Variants in KCNK13 observed in about 807,000 individuals in gnomAD.
The protein encoded by KCNK13 is potassium two pore domain channel subfamily K member 13, also known as potassium channel subfamily K member 13.
KCNK13 carries 12 observed loss-of-function variants against 23.4 expected under a neutral mutation model. The observed-to-expected ratio is 0.51, with a 90% CI of 0.33 to 0.83. KCNK13 has a LOEUF of 0.83. KCNK13 is among the 40% of genes least tolerant of loss of function. The pLI is 0.02. For synonymous variants in KCNK13, 231 were observed against 229.5 expected (o/e 1.01, Z -0.06); for missense variants, 463 against 556.3 (o/e 0.83, Z 1.69).
chr14:90,161,603 C>A (rs1890253645), intron 1 of KCNK13, among the ~76,000 whole-genome samples: 1 of 152,184 alleles, frequency 6.6e-6, no homozygotes, highest in Admixed American at 6.5e-5. Context: ...TTACAACATT[C>A]TACTAAAGCT....
At chr14:90,148,377 T>G (rs1251385387) in intron 1 of KCNK13, among the ~76,000 whole-genome samples, 1 of 152,206 alleles carries the variant, frequency 6.6e-6, no homozygotes, top group African/African-American at 2.4e-5. Flanking sequence ...CTCCCTGCCT[T>G]CAAGGGCCTT....
intron 1 of KCNK13, among the ~76,000 whole-genome samples, chr14:90,128,720 C>T (rs1018508788): frequency 7.9e-5 from 12 of 152,130 alleles, no homozygotes; most frequent in Non-Finnish European, 1.5e-4. Context: ...TATCTCTCAC[C>T]GAATACTTTT....
intron 1 of KCNK13, among the ~76,000 whole-genome samples, chr14:90,114,626 A>G (rs1378377131): frequency 6.6e-6 from 1 of 152,186 alleles, no homozygotes; most frequent in African/African-American, 2.4e-5. Context: ...AGATGCTTGC[A>G]CATGTATATT....
At position 90,184,231 on chromosome 14, in the gene KCNK13, T is replaced by C; in HGVS notation, c.455T>C (p.Ile152Thr). The change falls in exon 2 of 2, where the codon ATC becomes ACC. Residue 152 changes from isoleucine (I) to threonine (T), a missense_variant. Physicochemically the swap from Ile to Thr is moderately conservative, Grantham distance 89. Coordinates refer to ENST00000282146, the MANE Select transcript of KCNK13 (RefSeq NM_022054.4). This position sits in a 1 kb window ranked among gnomAD's most constrained non-coding sequence, Gnocchi z 5.6. ...CTCTTCCTGGAGCGCCTGATCACCA[T>C]CATCGCCTACATCATGAAGTCGTGC... ...FNLFLERLIT[I>T]IAYIMKSCHQ... 2 of 1,614,248 alleles carry C rather than the reference T, an allele frequency of 1.2e-6. No homozygotes were observed. Among genetic ancestry groups the C allele is most frequent in the Admixed American group, 1.7e-5 (1 of 60,036 alleles).
Position 90,106,290 on chromosome 14 carries a change from A to G in KCNK13, c.334+43751A>G, listed in dbSNP as rs546817404. On this transcript the variant is annotated intron_variant, in intron 1 of 1. Coordinates refer to ENST00000282146, the MANE Select transcript of KCNK13 (RefSeq NM_022054.4). ...CACATACTAATATGCAAAATAAGAA[A>G]GGTCCTGGGCGCAGTGGCTCACACG... Among the ~76,000 whole-genome samples the G allele has an allele frequency of 3.4e-4, 52 of 152,222 alleles. 1 individual carries two copies. The Middle Eastern group carries it at 0.014, about 40-fold the overall frequency.
At chr14:90,148,295 T>C (rs1596799091) in intron 1 of KCNK13, among the ~76,000 whole-genome samples, 1 of 152,194 alleles carries the variant, frequency 6.6e-6, no homozygotes. Context: ...ATAAATCTTA[T>C]AAAGCACAAT....
At chr14:90,082,056 CTAAA>C (rs1443237523) in intron 1 of KCNK13, among the ~76,000 whole-genome samples, 1 of 152,074 alleles carries the variant, frequency 6.6e-6, no homozygotes, top group Non-Finnish European at 1.5e-5. Flanking sequence ...AAACCATGAG[CTAAA>C]TAAACCTGTT....
chr14:90,178,254 A>AAC (rs1890445898), intron 1 of KCNK13, among the ~76,000 whole-genome samples: 1 of 146,734 alleles, frequency 6.8e-6, no homozygotes, highest in Admixed American at 6.7e-5. Context: ...AAAAAAAAAA[A>AAC]AAGGATACCC....
chr14:90,101,891 C>CT (rs201403466), intron 1 of KCNK13, among the ~76,000 whole-genome samples: 236 of 141,110 alleles, frequency 1.7e-3, no homozygotes, highest in African/African-American at 5.5e-3. Context: ...GAAATATTTT[C>CT]TTTTTTTTTT....
At chr14:90,150,574 C>T (rs1286536364) in intron 1 of KCNK13, among the ~76,000 whole-genome samples, 2 of 152,198 alleles carry the variant, frequency 1.3e-5, no homozygotes, top group Non-Finnish European at 2.9e-5. Flanking sequence ...AAACCAGCCA[C>T]ATCAGAGAAG....
chr14:90,107,346 C>T lies in KCNK13; in HGVS notation c.334+44807C>T, dbSNP rs563173864. The stretch of plus-strand genomic sequence containing the variant: ...AGAAAAAATTAGCCAGGCGTGGTGG[C>T]GGGCGCCTGTAGTCCCAGCTACTTG... On this transcript the variant is annotated intron_variant, in intron 1 of 1. Coordinates refer to ENST00000282146, the MANE Select transcript of KCNK13 (RefSeq NM_022054.4). Among the ~76,000 whole-genome samples, 192 of 152,018 alleles carry T rather than the reference C, an allele frequency of 1.3e-3. 3 individuals carry two copies. In the South Asian group the frequency reaches 0.024, roughly 19 times the overall value.
chr14:90,062,298 G>A lies in KCNK13; in HGVS notation c.93G>A (p.Leu31=), dbSNP rs949285264. ...LLLAALIVLY[L]LGGAAVFSAL... is the part of the protein sequence containing the mutation. ...TGGCCGCGCTCATCGTGCTCTACCT[G>A]CTGGGCGGCGCCGCCGTCTTCTCCG... The change falls in exon 1 of 2, where the codon CTG becomes CTA. Residue 31 remains leucine (L), a synonymous_variant. Coordinates refer to ENST00000282146, the MANE Select transcript of KCNK13 (RefSeq NM_022054.4). This position sits in a 1 kb window ranked among gnomAD's most constrained non-coding sequence, Gnocchi z 4.5. 1 of 1,561,710 alleles carries A rather than the reference G, an allele frequency of 6.4e-7. No homozygotes were observed.
intron 1 of KCNK13, among the ~76,000 whole-genome samples, chr14:90,128,433 C>T (rs867799543): frequency 9.8e-5 from 15 of 152,306 alleles, no homozygotes; most frequent in Middle Eastern, 3.4e-3. Flanking sequence ...CCCTTTCATT[C>T]CTGTCCTCAC....
At chr14:90,085,381 G>A (rs934674934) in intron 1 of KCNK13, among the ~76,000 whole-genome samples, 2 of 151,666 alleles carry the variant, frequency 1.3e-5, no homozygotes, top group African/African-American at 4.8e-5. Context: ...GAAATAGGCC[G>A]GGCATAGTGG....
intron 1 of KCNK13, among the ~76,000 whole-genome samples, chr14:90,179,830 G>T (rs920186415): frequency 6.6e-6 from 1 of 152,204 alleles, no homozygotes; most frequent in Non-Finnish European, 1.5e-5. Flanking sequence ...TATATCATTT[G>T]TTGGAAGAGA....
chr14:90,175,081 C>T (rs185561355), intron 1 of KCNK13, among the ~76,000 whole-genome samples: 4 of 152,144 alleles, frequency 2.6e-5, no homozygotes, highest in Admixed American at 6.5e-5. Context: ...AAAAACAACT[C>T]GGAGACATAT....
intron 1 of KCNK13, among the ~76,000 whole-genome samples, chr14:90,122,992 G>A (rs968558575): frequency 6.6e-6 from 1 of 152,174 alleles, no homozygotes; most frequent in Admixed American, 6.6e-5. Flanking sequence ...TAACTTAGCC[G>A]AGATCACATG....
At chr14:90,158,312 G>A (rs935523319) in intron 1 of KCNK13, among the ~76,000 whole-genome samples, 1 of 152,218 alleles carries the variant, frequency 6.6e-6, no homozygotes, top group Non-Finnish European at 1.5e-5. Flanking sequence ...CCGCACCCAT[G>A]CCCTCCCAGC....
At chr14:90,081,755 G>T (rs1889215432) in intron 1 of KCNK13, among the ~76,000 whole-genome samples, 1 of 152,148 alleles carries the variant, frequency 6.6e-6, no homozygotes, top group Non-Finnish European at 1.5e-5. Flanking sequence ...AATATGGTTT[G>T]TCCCCACGAT....
Sources: allele counts gnomAD v4.1 joint callset (sites outside exome capture counted in the v4.1 genomes callset), GRCh38; gene constraint gnomAD v4.1.1; non-coding constraint Gnocchi (gnomAD v3.1); transcripts MANE v1.5; gene names NCBI Gene and HGNC (gene_info 2026-07-23, HGNC 2026-07-21).